Variants in LRP1B observed in about 807,000 individuals in gnomAD.
LRP1B encodes low-density lipoprotein receptor-related protein 1B.
In LRP1B, 217 loss-of-function variants were observed where a neutral mutation model predicts 556.6. The ratio of observed to expected loss-of-function variants is 0.39; its 90% CI spans 0.35 to 0.44. LRP1B has a LOEUF of 0.44. LRP1B is among the 20% of genes least tolerant of loss of function. The pLI, the probability that LRP1B is intolerant of heterozygous loss-of-function variation, is 1.00. For missense variants in LRP1B, 5,053 were observed against 5,620.8 expected (o/e 0.90, Z 3.23); for synonymous variants, 2,047 against 1,865.8 (o/e 1.10, Z -2.50).
Position 140,776,323 on chromosome 2 carries a change from C to T in LRP1B, c.5360-85G>A, listed in dbSNP as rs532176866. 1.4e-4 allele frequency: 124 copies of T among 863,542 alleles called. No homozygotes were observed. In the African/African-American group the frequency reaches 2.0e-3, roughly 14 times the overall value. 53.5% of individuals were successfully genotyped at this position (863,542 alleles called of 1,614,324 possible). A position where few individuals can be genotyped will look rare whatever the true frequency, so the allele number is the denominator to read the frequency against. ...AATACTTACTAAACTATAATACTCT[C>T]TGATTTCTTTTGTTATATTTCCAAA... is the stretch of plus-strand genomic sequence containing the variant. On this transcript the variant is annotated intron_variant, in intron 32 of 90. Transcript: ENST00000389484.
At chr2:140,738,546 G>C (rs992462864) in intron 35 of LRP1B, among the ~76,000 whole-genome samples, 1 of 152,144 alleles carries the variant, frequency 6.6e-6, no homozygotes, top group Non-Finnish European at 1.5e-5. Flanking sequence ...ACTGAATGTG[G>C]TATAAATACT....
intron 3 of LRP1B, among the ~76,000 whole-genome samples, chr2:141,459,770 C>T (rs1246493292): frequency 6.6e-6 from 1 of 152,126 alleles, no homozygotes; most frequent in Admixed American, 6.6e-5. Context: ...GCCTCCCCCG[C>T]CACATGGAAC....
At chr2:140,868,889 C>T (rs1372896142) in intron 25 of LRP1B, among the ~76,000 whole-genome samples, 1 of 152,054 alleles carries the variant, frequency 6.6e-6, no homozygotes, top group African/African-American at 2.4e-5. Flanking sequence ...GTGACAGCGA[C>T]AGGAGACAGA....
chr2:141,543,350 A>G (rs996134493), intron 2 of LRP1B, among the ~76,000 whole-genome samples: 3 of 149,320 alleles, frequency 2.0e-5, no homozygotes, highest in South Asian at 2.1e-4. Flanking sequence ...TCTACAAAAA[A>G]TACAAAAAAA....
intron 1 of LRP1B, among the ~76,000 whole-genome samples, chr2:141,897,910 G>A (rs1699502891): frequency 6.6e-6 from 1 of 152,046 alleles, no homozygotes. Context: ...ACACTTACAT[G>A]CATATGTATA....
Position 140,551,789 on chromosome 2 carries a change from A to C in LRP1B, c.7195-9818T>G, listed in dbSNP as rs1023282401. Among the ~76,000 whole-genome samples, 5 of 152,290 alleles carry C rather than the reference A, an allele frequency of 3.3e-5. No individual in the cohort carries two copies. In the East Asian group the frequency reaches 9.7e-4, roughly 29 times the overall value. ...ACCCAATTAATACAGCAGTATGTACAAATGAAAGACTCCCTAAATCACATT... is the reference window on the plus strand; with the variant it reads ...ACCCAATTAATACAGCAGTATGTACCAATGAAAGACTCCCTAAATCACATT... On this transcript the variant is annotated intron_variant, in intron 43 of 90. Transcript: ENST00000389484.
chr2:141,467,330 T>G (rs72989025), intron 3 of LRP1B, among the ~76,000 whole-genome samples: 4,773 of 151,834 alleles, frequency 0.031, 274 homozygotes, highest in African/African-American at 0.11. Flanking sequence ...TTTGGAGAAG[T>G]GAAAGAAAAG....
intron 1 of LRP1B, among the ~76,000 whole-genome samples, chr2:141,986,169 T>C (rs542925328): frequency 6.6e-6 from 1 of 152,030 alleles, no homozygotes; most frequent in Non-Finnish European, 1.5e-5. Flanking sequence ...TATAAAAAAT[T>C]TCTGGAAATG....
chr2:141,121,922 G>A (rs993832384), intron 7 of LRP1B, among the ~76,000 whole-genome samples: 11 of 152,124 alleles, frequency 7.2e-5, no homozygotes, highest in Admixed American at 3.9e-4. Context: ...CAATGGAACA[G>A]AGCAGAGCCC....
intron 27 of LRP1B, among the ~76,000 whole-genome samples, chr2:140,866,179 T>C (rs1364742694): frequency 6.6e-6 from 1 of 152,134 alleles, no homozygotes; most frequent in Non-Finnish European, 1.5e-5. Flanking sequence ...TACAGTTGTG[T>C]AAATAATTTT....
chr2:140,715,213 A>C (rs994626741), intron 37 of LRP1B, among the ~76,000 whole-genome samples: 5 of 152,136 alleles, frequency 3.3e-5, no homozygotes, highest in African/African-American at 1.2e-4. Context: ...CACATAAAGC[A>C]ATAGAAATTC....
intron 1 of LRP1B, among the ~76,000 whole-genome samples, chr2:141,832,334 C>CTT (rs769107950): frequency 0.26 from 35,528 of 138,820 alleles, 4,463 homozygotes; most frequent in Admixed American, 0.27. Flanking sequence ...CTCTCACACA[C>CTT]ACACACACAC....
chr2:141,042,197 A>G (rs1465903867), intron 11 of LRP1B, among the ~76,000 whole-genome samples: 1 of 152,150 alleles, frequency 6.6e-6, no homozygotes, highest in African/African-American at 2.4e-5. Context: ...TAGAGATTAC[A>G]TCTCTCTCTG....
At chr2:141,110,714 G>A (rs140870572) in intron 7 of LRP1B, among the ~76,000 whole-genome samples, 212 of 152,044 alleles carry the variant, frequency 1.4e-3, no homozygotes, top group African/African-American at 4.8e-3. Context: ...GAGAGGGAAT[G>A]TACGATAGTT....
intron 83 of LRP1B, among the ~76,000 whole-genome samples, chr2:140,312,321 G>A (rs1474933129): frequency 6.6e-6 from 1 of 151,982 alleles, no homozygotes; most frequent in Non-Finnish European, 1.5e-5. Context: ...AATTGGGAAT[G>A]TTGTCTCAAA....
intron 66 of LRP1B, among the ~76,000 whole-genome samples, chr2:140,388,797 C>T (rs1392312056): frequency 6.6e-6 from 1 of 152,138 alleles, no homozygotes; most frequent in Non-Finnish European, 1.5e-5. Context: ...ATTGGTTACA[C>T]ATTAAAATCA....
At chr2:141,111,802 G>A (rs1373985080) in intron 7 of LRP1B, among the ~76,000 whole-genome samples, 1 of 152,010 alleles carries the variant, frequency 6.6e-6, no homozygotes, top group African/African-American at 2.4e-5. Context: ...TGTAATCCCA[G>A]CACTTTGGGA....
At chr2:140,825,277 A>G (rs573644540) in intron 31 of LRP1B, among the ~76,000 whole-genome samples, 7 of 152,302 alleles carry the variant, frequency 4.6e-5, no homozygotes, top group African/African-American at 1.7e-4. Context: ...GAGCCTAAAA[A>G]TTGGGAGAAT....
intron 2 of LRP1B, among the ~76,000 whole-genome samples, chr2:141,650,832 C>T (rs937639455): frequency 6.6e-6 from 1 of 152,096 alleles, no homozygotes; most frequent in Non-Finnish European, 1.5e-5. Context: ...CCACTAATCC[C>T]GAATTTATCT....
Sources: gnomAD v4.1 joint callset for allele counts (sites outside exome capture counted in the v4.1 genomes callset) on GRCh38, gnomAD v4.1.1 for gene constraint, MANE v1.5 for transcripts, NCBI Gene and HGNC (gene_info 2026-07-23, HGNC 2026-07-21) for gene names.